Variants in CDH13 observed in about 807,000 individuals in gnomAD.
The protein encoded by CDH13 is cadherin 13.
In CDH13, 24 loss-of-function variants were observed where a neutral mutation model predicts 63.8. That is an observed-to-expected ratio of 0.38 (90% CI 0.27 to 0.53). CDH13 has a LOEUF of 0.53. CDH13 is among the 20% of genes least tolerant of loss of function. The probability of loss-of-function intolerance (pLI) is 0.85; values close to 1 mark genes in which losing one functional copy is unlikely to be tolerated. For missense variants in CDH13, 1,049 were observed against 903.1 expected (o/e 1.16, Z -2.07); for synonymous variants, 503 against 355.3 (o/e 1.42, Z -4.67).
intron 1 of CDH13, among the ~76,000 whole-genome samples, chr16:82,790,090 T>C (rs576994903): frequency 1.6e-4 from 24 of 152,246 alleles, no homozygotes; most frequent in African/African-American, 5.8e-4. Flanking sequence ...AGAATTACTT[T>C]ACACACACAT....
chr16:83,157,031 C>G (rs886306774), intron 4 of CDH13, among the ~76,000 whole-genome samples: 2 of 152,108 alleles, frequency 1.3e-5, no homozygotes, highest in African/African-American at 4.8e-5. Flanking sequence ...TTTTCCAAAT[C>G]AAGGGCAGTA....
At chr16:83,030,502 G>C (rs1160581591) in intron 2 of CDH13, among the ~76,000 whole-genome samples, 5 of 151,910 alleles carry the variant, frequency 3.3e-5, no homozygotes, top group Non-Finnish European at 7.4e-5. Context: ...AATTAGCCAG[G>C]CATGATGGCA....
intron 3 of CDH13, among the ~76,000 whole-genome samples, chr16:83,101,833 A>T (rs1424363389): frequency 6.6e-6 from 1 of 152,148 alleles, no homozygotes; most frequent in Non-Finnish European, 1.5e-5. Context: ...GACAGGGCTC[A>T]TGGAGTAGGT....
chr16:83,064,183 A>C (rs2031811295), intron 3 of CDH13, among the ~76,000 whole-genome samples: 1 of 152,186 alleles, frequency 6.6e-6, no homozygotes, highest in Non-Finnish European at 1.5e-5. Context: ...AGTCTGGCCC[A>C]CATGATGAAA....
At chr16:83,665,459 C>T (rs1016493391) in intron 8 of CDH13, among the ~76,000 whole-genome samples, 9 of 152,138 alleles carry the variant, frequency 5.9e-5, no homozygotes, top group African/African-American at 1.4e-4. Context: ...TTGGGAAGAG[C>T]CTTCCAATAA....
At chr16:83,453,439 C>T (rs1255012838) in intron 6 of CDH13, among the ~76,000 whole-genome samples, 1 of 152,140 alleles carries the variant, frequency 6.6e-6, no homozygotes, top group Non-Finnish European at 1.5e-5. Context: ...ACACCCCACA[C>T]AGGATTGTTG....
intron 7 of CDH13, among the ~76,000 whole-genome samples, chr16:83,528,875 G>A (rs2075020305): frequency 6.6e-6 from 1 of 152,262 alleles, no homozygotes; most frequent in Middle Eastern, 3.4e-3. Context: ...TATGGTGAAG[G>A]GATCATGGCT....
At chr16:82,652,510 A>G (rs981054797) in intron 1 of CDH13, among the ~76,000 whole-genome samples, 4 of 152,192 alleles carry the variant, frequency 2.6e-5, no homozygotes, top group African/African-American at 9.7e-5. Context: ...TTGCTCAGTG[A>G]TATGATTACA....
chr16:83,020,485 C>T (rs921170181), intron 2 of CDH13, among the ~76,000 whole-genome samples: 2 of 152,224 alleles, frequency 1.3e-5, no homozygotes, highest in Non-Finnish European at 2.9e-5. Context: ...AGTGTTCTCT[C>T]TACCAGAACA....
intron 5 of CDH13, among the ~76,000 whole-genome samples, chr16:83,267,503 G>A (rs761481285): frequency 6.6e-6 from 1 of 152,188 alleles, no homozygotes. Flanking sequence ...AATTGCCACT[G>A]TGATGATATT....
chr16:83,683,581 T>C (rs765495489), intron 10 of CDH13, among the ~76,000 whole-genome samples: 10 of 152,248 alleles, frequency 6.6e-5, no homozygotes, highest in Non-Finnish European at 1.3e-4. Flanking sequence ...TGTGCTATTA[T>C]TCCATTACAG....
At chr16:83,703,106 T>C (rs1373639716) in intron 10 of CDH13, among the ~76,000 whole-genome samples, 1 of 152,204 alleles carries the variant, frequency 6.6e-6, no homozygotes, top group Admixed American at 6.5e-5. Context: ...TGAATAGAGC[T>C]GCATCCCTAA....
Position 83,652,781 on chromosome 16 carries a change from C to T in CDH13, c.1102-18009C>T, listed in dbSNP as rs137855072. ...TGCAGCCTGGAGTCCCCATATGACC[C>T]AGCAGCTCCACTCCTAGGTGTAAAC... is the stretch of plus-strand genomic sequence containing the variant. On this transcript the variant is annotated intron_variant, in intron 8 of 13. Coordinates refer to ENST00000567109, the MANE Select transcript of CDH13 (RefSeq NM_001257.5). Among the ~76,000 whole-genome samples, 499 of 152,276 alleles carry T rather than the reference C, an allele frequency of 3.3e-3. 2 individuals carry two copies. Among genetic ancestry groups the T allele is most frequent in the African/African-American group, 0.012 (483 of 41,546 alleles).
At chr16:83,201,800 C>T (rs1033849182) in intron 4 of CDH13, among the ~76,000 whole-genome samples, 3 of 151,432 alleles carry the variant, frequency 2.0e-5, no homozygotes, top group African/African-American at 7.3e-5. Flanking sequence ...GCCTGTAGTC[C>T]CAGCTACTTG....
intron 6 of CDH13, chr16:83,398,141 G>C (rs566919040): frequency 8.4e-4 from 109 of 129,950 alleles, no homozygotes; most frequent in African/African-American, 2.8e-3. Flanking sequence ...TACTACCCTG[G>C]TTTCTAACTC....
intron 7 of CDH13, among the ~76,000 whole-genome samples, chr16:83,525,226 C>T (rs1036599675): frequency 1.3e-5 from 2 of 152,168 alleles, no homozygotes; most frequent in Non-Finnish European, 2.9e-5. Flanking sequence ...GACCAGGCAC[C>T]TGAAGTCTAA....
chr16:83,532,591 A>G (rs1306045906), intron 7 of CDH13, among the ~76,000 whole-genome samples: 2 of 152,374 alleles, frequency 1.3e-5, no homozygotes, highest in African/African-American at 2.4e-5. Flanking sequence ...TGCTGAATGA[A>G]TAAATGGCTG....
chr16:82,924,567 G>C (rs1400599856), intron 2 of CDH13, among the ~76,000 whole-genome samples: 3 of 152,138 alleles, frequency 2.0e-5, no homozygotes, highest in African/African-American at 7.2e-5. Flanking sequence ...TGTCAATCGT[G>C]TCTTGAGGTT....
chr16:82,788,810 A>T (rs896852779), intron 1 of CDH13, among the ~76,000 whole-genome samples: 2 of 152,152 alleles, frequency 1.3e-5, no homozygotes, highest in African/African-American at 2.4e-5. Flanking sequence ...TGTTATTTGC[A>T]TCCAATTAAA....
Sources: allele counts gnomAD v4.1 joint callset (sites outside exome capture counted in the v4.1 genomes callset), GRCh38; gene constraint gnomAD v4.1.1; transcripts MANE v1.5; gene names NCBI Gene and HGNC (gene_info 2026-07-23, HGNC 2026-07-21).